ESRP1: variants seen among roughly 807,000 people sequenced by gnomAD.
ESRP1 encodes the protein RNA-binding motif protein 35A.
Under a neutral mutation model 81.7 loss-of-function variants are expected in ESRP1, and 33 were observed. The ratio of observed to expected loss-of-function variants is 0.40; its 90% confidence interval spans 0.31 to 0.54. The LOEUF (loss-of-function observed/expected upper bound fraction) is 0.54. ESRP1 is among the 20% of genes least tolerant of loss of function. ESRP1 has a pLI of 0.41. For missense variants in ESRP1, 672 were observed against 833.1 expected, an observed-to-expected ratio of 0.81 and a Z score of 2.38; for synonymous variants, 320 against 303.3, an observed-to-expected ratio of 1.06 and a Z score of -0.57.
chr8:94,684,412 A>T (rs186437193), intron 13 of ESRP1, among the ~76,000 whole-genome samples: 1 of 152,142 alleles, frequency 6.6e-6, no homozygotes, highest in Middle Eastern at 3.2e-3. Flanking sequence ...TCCATGAAGA[A>T]TCTCGAAAAG....
rs1169554811 is a variant in ESRP1, at chr8:94,667,949, G to A, written c.932G>A (p.Gly311Asp). ...GCTTCCTAATATTTGTTTTCCCTAGGTACTTCCAATGAGGTAGCCCAGTTT... is the reference window on the plus strand; with the variant it reads ...GCTTCCTAATATTTGTTTTCCCTAGATACTTCCAATGAGGTAGCCCAGTTT... ...TGEDFLKIAG[G>D]TSNEVAQFLS... The change falls in exon 10 of 16, where the codon GGT becomes GAT. Residue 311 changes from glycine to aspartate, a missense_variant and splice_region_variant. Physicochemically the swap from Gly to Asp is moderately conservative, Grantham distance 94 (BLOSUM62 -1). Coordinates refer to ENST00000433389, the MANE Select transcript of ESRP1 (RefSeq NM_017697.4). The A allele has an allele frequency of 1.3e-6, 2 of 1,574,162 alleles. No homozygotes were observed. Among genetic ancestry groups the A allele is most frequent in the South Asian group, 1.2e-5 (1 of 84,964 alleles).
chr8:94,697,018 C>A, intron 15 of ESRP1, 57 bp downstream of exon 15: 1 of 1,185,418 alleles, frequency 8.4e-7, no homozygotes, highest in African/African-American at 1.6e-5. Context: ...GATCAAGATT[C>A]TGAAGGCATT....
intron 3 of ESRP1, among the ~76,000 whole-genome samples, chr8:94,645,439 C>A (rs866410318): frequency 2.4e-4 from 33 of 135,220 alleles, no homozygotes; most frequent in African/African-American, 8.0e-4. Flanking sequence ...AAAAAAAAAA[C>A]AAAGGAAACA....
rs756548763 is a variant in ESRP1 at position 94,705,914 on chromosome 8, T to G, written c.*36-11T>G. 5.9e-6 allele frequency: 9 copies of G among 1,518,750 alleles called. No homozygotes were observed. Among genetic ancestry groups the G allele is most frequent in the Non-Finnish European group, 8.8e-7 (1 of 1,137,306 alleles). 94.1% of individuals were successfully genotyped at this position (1,518,750 alleles called of 1,614,324 possible). A position where few individuals can be genotyped will look rare whatever the true frequency, so the allele number is the denominator to read the frequency against. ...TTTCCTTTTATTCACTTTTTTTTTT[T>G]TTTTTTTCAGTGTTTGAAAGATGTA... On this transcript the variant is annotated splice_polypyrimidine_tract_variant and intron_variant, in intron 15 of 15. Coordinates refer to ENST00000433389, the MANE Select transcript of ESRP1 (RefSeq NM_017697.4).
At position 94,660,746 on chromosome 8, in the gene ESRP1, A is replaced by AAAAC. The variant is rs146754323; in HGVS notation, c.491-1510_491-1507dup. The stretch of plus-strand genomic sequence containing the variant: ...AAAAAAAAAAAAAAAAAAAAAAACC[A>AAAAC]AAACAAACAAACAAACAAAAAACCA... On this transcript the variant is annotated intron_variant, in intron 4 of 15. Coordinates refer to ENST00000433389, the MANE Select transcript of ESRP1 (RefSeq NM_017697.4). Among the ~76,000 whole-genome samples, 443 of 136,850 alleles carry AAAAC rather than the reference A, an allele frequency of 3.2e-3. 3 individuals carry two copies. The highest frequency in any genetic ancestry group is 0.011 in the African/African-American group (428 of 38,090). 89.8% of individuals were successfully genotyped at this position (136,850 alleles called of 152,430 possible). A position where few individuals can be genotyped will look rare whatever the true frequency, so the allele number is the denominator to read the frequency against.
chr8:94,692,199 T>G (rs1401481102), intron 13 of ESRP1, among the ~76,000 whole-genome samples: 1 of 152,206 alleles, frequency 6.6e-6, no homozygotes, highest in Non-Finnish European at 1.5e-5. Flanking sequence ...AGTACTGCTG[T>G]GCTATTCCTC....
intron 3 of ESRP1, among the ~76,000 whole-genome samples, chr8:94,644,058 CT>C (rs1477142351): frequency 1.3e-5 from 2 of 152,114 alleles, no homozygotes; most frequent in African/African-American, 2.4e-5. Flanking sequence ...TCAGCCTCAT[CT>C]TTTACCTTTG....
chr8:94,672,533 G>A (rs188930435), intron 11 of ESRP1, among the ~76,000 whole-genome samples: 2 of 151,148 alleles, frequency 1.3e-5, no homozygotes, highest in East Asian at 1.9e-4. Context: ...TGAAACTTTG[G>A]AACTTTTTTT....
At chr8:94,681,351 A>C (rs1023517681) in intron 13 of ESRP1, among the ~76,000 whole-genome samples, 1 of 145,666 alleles carries the variant, frequency 6.9e-6, no homozygotes, top group Non-Finnish European at 1.5e-5. Flanking sequence ...AAAAAAAAAA[A>C]AACTGGCTTG....
rs60316449 is a variant in ESRP1, at chr8:94,660,709, C to CAAAAAAAAAAAAAAAAAAAAAAAAAAAA, written c.491-1556_491-1529dup. ...CCTGGGCAACAGAGCGAGACTATCT[C>CAAAAAAAAAAAAAAAAAAAAAAAAAAAA]AAAAAAAAAAAAAAAAAAAAAAAAA... On this transcript the variant is annotated intron_variant, in intron 4 of 15. Coordinates refer to ENST00000433389, the MANE Select transcript of ESRP1 (RefSeq NM_017697.4). Among the ~76,000 whole-genome samples, 2 of 43,532 alleles carry CAAAAAAAAAAAAAAAAAAAAAAAAAAAA rather than the reference C, an allele frequency of 4.6e-5. 1 individual carries two copies. The highest frequency in any genetic ancestry group is 7.5e-5 in the Non-Finnish European group (2 of 26,524). The allele number at this position is 43,532 out of a possible 152,430, so 28.6% of individuals were successfully genotyped here. A position where few individuals can be genotyped will look rare whatever the true frequency, so the allele number is the denominator to read the frequency against.
At chr8:94,662,844 G>A (rs1207467445) in intron 6 of ESRP1, among the ~76,000 whole-genome samples, 1 of 152,084 alleles carries the variant, frequency 6.6e-6, no homozygotes, top group Non-Finnish European at 1.5e-5. Flanking sequence ...TCCTGACCTC[G>A]TGATCTGCCC....
intron 4 of ESRP1, among the ~76,000 whole-genome samples, chr8:94,653,261 A>G (rs1435726119): frequency 2.6e-5 from 4 of 152,126 alleles, no homozygotes; most frequent in Non-Finnish European, 4.4e-5. Context: ...TGTGTGCTCT[A>G]TTATCAGTGT....
At position 94,669,895 on chromosome 8, in the gene ESRP1, A is replaced by AG. The variant is rs1286303061; in HGVS notation, c.1234-1558_1234-1557insG. Among the ~76,000 whole-genome samples, 3 of 151,650 alleles carry AG rather than the reference A, an allele frequency of 2.0e-5. No homozygotes were observed. In the East Asian group the frequency reaches 5.8e-4, roughly 29 times the overall value. ...CTACCAAAAAAAAAAAAAAAAAAAA[A>AG]ATTTATACCTTTTTGAAAATGTCAT... On this transcript the variant is annotated intron_variant, in intron 10 of 15. Transcript: ENST00000433389.
At chr8:94,695,278 T>C (rs1339444216) in intron 14 of ESRP1, among the ~76,000 whole-genome samples, 1 of 151,072 alleles carries the variant, frequency 6.6e-6, no homozygotes, top group Non-Finnish European at 1.5e-5. Context: ...TATATAATTA[T>C]ATAATAACTA....
At chr8:94,690,703 A>G (rs1293829417) in intron 13 of ESRP1, among the ~76,000 whole-genome samples, 1 of 152,178 alleles carries the variant, frequency 6.6e-6, no homozygotes, top group African/African-American at 2.4e-5. Flanking sequence ...AGAGTACTAG[A>G]GACCTCAGGC....
chr8:94,689,811 C>CTTGTTTTTTTTTTTTT (rs1809304028), intron 13 of ESRP1, among the ~76,000 whole-genome samples: 1 of 64,680 alleles, frequency 1.5e-5, no homozygotes, highest in African/African-American at 6.9e-5. Context: ...TGATGCCTGG[C>CTTGTTTTTTTTTTTTT]TTTTTTTTTT....
chr8:94,650,342 G>T (rs1818062811), intron 4 of ESRP1, among the ~76,000 whole-genome samples: 1 of 151,826 alleles, frequency 6.6e-6, no homozygotes, highest in Non-Finnish European at 1.5e-5. Context: ...CTGTACTTTG[G>T]CCAATCATTC....
At chr8:94,680,483 A>G (rs1442807428) in intron 13 of ESRP1, among the ~76,000 whole-genome samples, 1 of 152,028 alleles carries the variant, frequency 6.6e-6, no homozygotes, top group Admixed American at 6.6e-5. Context: ...GCTGGAGTGC[A>G]ATGGCGTGAT....
chr8:94,642,168 G>T, intron 2 of ESRP1, 84 bp downstream of exon 2: 2 of 1,513,242 alleles, frequency 1.3e-6, no homozygotes, highest in Admixed American at 3.7e-5. Context: ...GCCCACGCGT[G>T]TTCCCGGAGC....
Sources: gnomAD v4.1 joint callset for allele counts (sites outside exome capture counted in the v4.1 genomes callset) on GRCh38, gnomAD v4.1.1 for gene constraint, MANE v1.5 for transcripts, NCBI Gene and HGNC (gene_info 2026-07-23, HGNC 2026-07-21) for gene names.